The following ZNF536 variants were observed in gnomAD, a reference collection of about 807,000 sequenced individuals.
ZNF536 encodes the protein zinc finger protein 536.
Under a neutral mutation model 84.5 loss-of-function variants are expected in ZNF536, and 13 were observed. The ratio of observed to expected loss-of-function variants is 0.15; its 90% CI spans 0.10 to 0.24. The LOEUF is 0.24. Ranked by LOEUF, ZNF536 falls within the 10% of genes least tolerant of loss-of-function variation. The pLI is 1.00. For missense variants in ZNF536, 1,536 were observed against 1,747.5 expected (o/e 0.88, Z 2.16); for synonymous variants, 811 against 742.5 (o/e 1.09, Z -1.50).
At chr19:30,296,707 C>G (rs554693481) in intron 2 of ZNF536, among the ~76,000 whole-genome samples, 1 of 152,330 alleles carries the variant, frequency 6.6e-6, no homozygotes, top group African/African-American at 2.4e-5. Flanking sequence ...CATGCAAAAG[C>G]TGGTTCTTCT....
chr19:30,315,878 C>G (rs2046661101), intron 2 of ZNF536, among the ~76,000 whole-genome samples: 1 of 152,108 alleles, frequency 6.6e-6, no homozygotes, highest in African/African-American at 2.4e-5. Context: ...TGAGATCTTA[C>G]TATACATATT....
intron 2 of ZNF536, among the ~76,000 whole-genome samples, chr19:30,307,243 T>C (rs1047474094): frequency 6.6e-6 from 1 of 150,956 alleles, no homozygotes; most frequent in Admixed American, 6.6e-5. Flanking sequence ...CTTAAATACC[T>C]CCCCCCCCTT....
chr19:30,693,911 C>A (rs982725149), intron 1 of ZNF536, among the ~76,000 whole-genome samples: 1 of 152,134 alleles, frequency 6.6e-6, no homozygotes, highest in Admixed American at 6.5e-5. Flanking sequence ...ACAATACAAC[C>A]TCACTGAATT....
chr19:30,467,630 A>G (rs1397059118), intron 2 of ZNF536, among the ~76,000 whole-genome samples: 2 of 152,152 alleles, frequency 1.3e-5, no homozygotes, highest in Non-Finnish European at 2.9e-5. Flanking sequence ...GGCAGCTTTG[A>G]ACCCATGAAG....
intron 1 of ZNF536, among the ~76,000 whole-genome samples, chr19:30,672,632 T>C (rs1350905945): frequency 1.3e-5 from 2 of 152,220 alleles, no homozygotes; most frequent in African/African-American, 4.8e-5. Flanking sequence ...GGGAGAATGA[T>C]GAGAAGCCTG....
At chr19:30,674,359 T>G (rs1246880423) in intron 1 of ZNF536, among the ~76,000 whole-genome samples, 1 of 152,196 alleles carries the variant, frequency 6.6e-6, no homozygotes, top group South Asian at 2.1e-4. Context: ...TAGAGTCAGG[T>G]GAAAGAGGAT....
At chr19:30,302,070 T>C (rs1261588300) in intron 2 of ZNF536, among the ~76,000 whole-genome samples, 1 of 141,498 alleles carries the variant, frequency 7.1e-6, no homozygotes, top group African/African-American at 2.8e-5. Context: ...TAATTTTTTA[T>C]AATCACTGTT....
At position 30,484,909 on chromosome 19, in the gene ZNF536, C is replaced by T. The variant is rs558515780; in HGVS notation, c.2170+39177C>T. On this transcript the variant is annotated intron_variant, in intron 2 of 4. Coordinates refer to ENST00000355537, the MANE Select transcript of ZNF536 (RefSeq NM_014717.3). ...CTGTAATCCCAGCACTTTGGGAGGC[C>T]GAGGAGGGTGGATCACCAGGTCAGG... is the stretch of plus-strand genomic sequence containing the variant. 1.4e-4 allele frequency among the ~76,000 whole-genome samples: 22 copies of T among 151,934 alleles called. No individual in the cohort carries two copies. In the South Asian group the frequency reaches 4.2e-3, roughly 29 times the overall value.
intron 1 of ZNF536, among the ~76,000 whole-genome samples, chr19:30,566,686 A>T (rs536155266): frequency 7.5e-6 from 1 of 133,250 alleles, no homozygotes; most frequent in African/African-American, 2.9e-5. Context: ...AAGTCCCTGT[A>T]TGTGGCCCCT....
chr19:30,340,761 G>A (rs1310327655), intron 2 of ZNF536, among the ~76,000 whole-genome samples: 1 of 152,112 alleles, frequency 6.6e-6, no homozygotes, highest in East Asian at 1.9e-4. Flanking sequence ...ATTCCATGAG[G>A]ACATGAGAGT....
At chr19:30,463,605 A>T (rs1568457387) in intron 2 of ZNF536, among the ~76,000 whole-genome samples, 1 of 152,168 alleles carries the variant, frequency 6.6e-6, no homozygotes, top group Non-Finnish European at 1.5e-5. Flanking sequence ...AGCACAGCAG[A>T]TGTCAGGGAA....
rs2148227545 is a variant in ZNF536 at position 30,445,508 on chromosome 19, A to G, written c.1946A>G (p.His649Arg). 2 of 1,613,838 alleles carry G rather than the reference A, an allele frequency of 1.2e-6. No individual in the cohort carries two copies. Among genetic ancestry groups the G allele is most frequent in the East Asian group, 2.2e-5 (1 of 44,806 alleles). Residue 649 changes from histidine to arginine, a missense_variant, in exon 2 of 5, where the codon CAC (histidine) becomes CGC (arginine). Coordinates refer to ENST00000355537, the MANE Select transcript of ZNF536 (RefSeq NM_014717.3). The surrounding 1 kb of genome is among the most constrained non-coding windows in gnomAD (Gnocchi z 4.5). The stretch of plus-strand genomic sequence containing the variant: ...CGCACTTACCACCAGGTGGTCGTGC[A>G]CTCCCGTGTCCACAAGCGGGACCGC... ...VFRTYHQVVV[H>R]SRVHKRDRKG...
chr19:30,610,237 A>T (rs757575179), intron 1 of ZNF536, among the ~76,000 whole-genome samples: 1 of 152,232 alleles, frequency 6.6e-6, no homozygotes, highest in Non-Finnish European at 1.5e-5. Flanking sequence ...GTTTCCTTAG[A>T]TCTAAAACAT....
At chr19:30,273,879 A>C (rs909449694) in intron 1 of ZNF536, among the ~76,000 whole-genome samples, 1 of 152,256 alleles carries the variant, frequency 6.6e-6, no homozygotes, top group South Asian at 2.1e-4. Context: ...ATACATGTAC[A>C]CATGTGTTCA....
Position 30,463,882 on chromosome 19 carries a change from G to GT in ZNF536, c.2170+18153dup, listed in dbSNP as rs575757091. On this transcript the variant is annotated intron_variant, in intron 2 of 4. Transcript: ENST00000355537. ...ATGAAACCTCATGGTGATGTGTTCT[G>GT]TTTGCTGTCAGCATCCTCGGGACCC... Among the ~76,000 whole-genome samples, 413 of 152,206 alleles carry GT rather than the reference G, an allele frequency of 2.7e-3. 1 individual carries two copies. The highest frequency in any genetic ancestry group is 4.2e-3 in the Non-Finnish European group (287 of 68,006).
intron 2 of ZNF536, among the ~76,000 whole-genome samples, chr19:30,446,006 G>C (rs556802217): frequency 6.6e-6 from 1 of 152,194 alleles, no homozygotes; most frequent in East Asian, 1.9e-4. Context: ...CCAGCACTTT[G>C]GGCGCCCGAG....
chr19:30,489,893 A>T (rs1280279661), intron 2 of ZNF536, among the ~76,000 whole-genome samples: 1 of 152,236 alleles, frequency 6.6e-6, no homozygotes, highest in Non-Finnish European at 1.5e-5. Context: ...TGAAGAAGTA[A>T]AACAAATTCT....
chr19:30,391,576 C>T (rs2049591604), intron 1 of ZNF536, among the ~76,000 whole-genome samples: 1 of 152,068 alleles, frequency 6.6e-6, no homozygotes, highest in Non-Finnish European at 1.5e-5. Context: ...AAGTCTGTCT[C>T]AAAAAACAAA....
intron 1 of ZNF536, among the ~76,000 whole-genome samples, chr19:30,704,555 G>A (rs182352337): frequency 1.1e-3 from 171 of 148,948 alleles, no homozygotes; most frequent in African/African-American, 3.9e-3. Context: ...GCTGAGGCAG[G>A]AGAATGGCTT....
Sources: gnomAD v4.1 joint callset for allele counts (sites outside exome capture counted in the v4.1 genomes callset) on GRCh38, gnomAD v4.1.1 for gene constraint, Gnocchi (gnomAD v3.1) non-coding constraint, MANE v1.5 for transcripts, NCBI Gene and HGNC (gene_info 2026-07-23, HGNC 2026-07-21) for gene names.